Variants in COPG2 observed in about 807,000 individuals in gnomAD.
COPG2 encodes coat protein complex I subunit gamma 2.
In COPG2, 37 loss-of-function variants were observed where a neutral mutation model predicts 46.3. That is an observed-to-expected ratio of 0.80 (90% CI 0.61 to 1.05). The LOEUF (loss-of-function observed/expected upper bound fraction) is 1.05, where lower values mean the gene tolerates loss of function less well. Ranked by LOEUF, COPG2 falls within the 50% of genes least tolerant of loss-of-function variation. The pLI is 0.00. For missense variants in COPG2, 427 were observed against 387.8 expected (o/e 1.10, Z -0.85); for synonymous variants, 159 against 129.7 (o/e 1.23, Z -1.53).
At chr7:130,555,186 TA>T (rs1405417914) in intron 12 of COPG2, 54 bp from the exon 13 acceptor site, 25 of 396,506 alleles carry the variant, frequency 6.3e-5, no homozygotes, top group Non-Finnish European at 1.0e-4. Context: ...CTACCACCTA[TA>T]AAAAGCAAAC....
chr7:130,508,738 C>G (rs1050396542), intron 20 of COPG2, 79 bp from the exon 21 acceptor site: 6 of 679,184 alleles, frequency 8.8e-6, no homozygotes, highest in Non-Finnish European at 1.6e-5. Flanking sequence ...GTACTCAGCA[C>G]TGTGTTCCAC....
chr7:130,532,228 T>C (rs998570292), intron 20 of COPG2, among the ~76,000 whole-genome samples: 1 of 152,152 alleles, frequency 6.6e-6, no homozygotes, highest in Admixed American at 6.5e-5. Flanking sequence ...GCAAAGGCAA[T>C]GGGACCACGG....
At chr7:130,639,372 C>A (rs1298522466) in intron 5 of COPG2, among the ~76,000 whole-genome samples, 1 of 152,122 alleles carries the variant, frequency 6.6e-6, no homozygotes, top group African/African-American at 2.4e-5. Context: ...TTTAAGAATC[C>A]CTACAACTGG....
chr7:130,554,591 G>A lies in COPG2; in HGVS notation c.1358C>T (p.Thr453Ile), dbSNP rs1793588625. The part of the protein sequence containing the change: ...IEDCEHTVLA[T>I]KILHLLGKEG... ...TTTGCCCAACAAGTGTAGAATCTTA[G>A]TAGCCAGAACAGTGTGTTCACAGTC... is the stretch of plus-strand genomic sequence containing the variant. The change falls in exon 14 of 24, where the codon ACT becomes ATT. Residue 453 changes from threonine to isoleucine, a missense_variant. Coordinates refer to ENST00000425248, the MANE Select transcript of COPG2 (RefSeq NM_012133.6). 2.5e-6 allele frequency: 1 copy of A among 398,372 alleles called. No homozygotes were observed. Among genetic ancestry groups the A allele is most frequent in the African/African-American group, 2.1e-5 (1 of 48,582 alleles). 24.7% of individuals were successfully genotyped at this position (398,372 alleles called of 1,614,324 possible). A position where few individuals can be genotyped will look rare whatever the true frequency, so the allele number is the denominator to read the frequency against.
intron 9 of COPG2, chr7:130,604,721 TAGC>T (rs1338797113): frequency 1.4e-5 from 7 of 517,384 alleles, no homozygotes; most frequent in African/African-American, 9.6e-5. Context: ...AAAATAAAAA[TAGC>T]AGGCATTTTT....
rs782649517 is a variant in COPG2 at position 130,608,214 on chromosome 7, A to T, written c.737+2739T>A. On this transcript the variant is annotated intron_variant, in intron 9 of 23. Transcript: ENST00000425248. The stretch of plus-strand genomic sequence containing the variant: ...TCATCAAATAATATACTACTGCATG[A>T]TACAAAAACTTTACAAATGTCCATT... 1.6e-4 allele frequency: 75 copies of T among 468,138 alleles called. 1 individual carries two copies. Among genetic ancestry groups the T allele is most frequent in the South Asian group, 1.1e-3 (73 of 63,760 alleles). The allele number at this position is 468,138 out of a possible 1,614,324, so 29.0% of individuals were successfully genotyped here. A position where few individuals can be genotyped will look rare whatever the true frequency, so the allele number is the denominator to read the frequency against.
chr7:130,563,773 A>AG (rs1491156506), intron 10 of COPG2, among the ~76,000 whole-genome samples: 24 of 73,676 alleles, frequency 3.3e-4, no homozygotes, highest in African/African-American at 1.4e-3. Flanking sequence ...AAAAAAAAAA[A>AG]GAAAAAAAAA....
chr7:130,618,837 A>G (rs529942491), intron 5 of COPG2, among the ~76,000 whole-genome samples: 148 of 152,212 alleles, frequency 9.7e-4, no homozygotes, highest in African/African-American at 3.2e-3. Context: ...TGGATAAAGT[A>G]CCTCATTCTT....
chr7:130,614,477 T>C (rs1161286895), intron 6 of COPG2, among the ~76,000 whole-genome samples: 1 of 152,210 alleles, frequency 6.6e-6, no homozygotes, highest in Non-Finnish European at 1.5e-5. Context: ...CATGGGTATA[T>C]AGCTATTATT....
In COPG2 at chr7:130,564,260, C is replaced by G; in HGVS notation, c.871G>C (p.Val291Leu). Residue 291 changes from valine to leucine, a missense_variant and splice_region_variant, in exon 10 of 24, where the codon GTT becomes CTT. Val to Leu is a conservative substitution (Grantham distance 32). Coordinates refer to ENST00000425248, the MANE Select transcript of COPG2 (RefSeq NM_012133.6). ...TARELAPAVS[V>L]LQLFCSSPKP... The stretch of plus-strand genomic sequence containing the variant: ...GCCAGCCATCAAATATAAAACAAAC[C>G]TGAAACAGCAGGTGCCAACTCTCTT... 2.5e-6 allele frequency: 1 copy of G among 398,476 alleles called. No homozygotes were observed. The allele number at this position is 398,476 out of a possible 1,614,324, so 24.7% of individuals were successfully genotyped here. A position where few individuals can be genotyped will look rare whatever the true frequency, so the allele number is the denominator to read the frequency against.
intron 9 of COPG2, among the ~76,000 whole-genome samples, chr7:130,597,865 G>A (rs943476216): frequency 8.5e-5 from 13 of 152,150 alleles, no homozygotes; most frequent in African/African-American, 3.1e-4. Flanking sequence ...AACATGAGGA[G>A]GAAAGTGCAG....
At chr7:130,631,615 T>C (rs989763781) in intron 5 of COPG2, among the ~76,000 whole-genome samples, 1 of 152,244 alleles carries the variant, frequency 6.6e-6, no homozygotes, top group Admixed American at 6.5e-5. Flanking sequence ...TTAGATTTTC[T>C]TCAAGTGCTA....
intron 20 of COPG2, among the ~76,000 whole-genome samples, chr7:130,522,742 A>T (rs934713775): frequency 2.0e-5 from 3 of 151,770 alleles, no homozygotes; most frequent in African/African-American, 7.3e-5. Flanking sequence ...AAAAATGCTA[A>T]GTAAGAAGTA....
chr7:130,585,540 G>A (rs1201886784), intron 9 of COPG2, among the ~76,000 whole-genome samples: 1 of 152,016 alleles, frequency 6.6e-6, no homozygotes, highest in African/African-American at 2.4e-5. Flanking sequence ...CAACCCCGCA[G>A]AGTGGGAGAA....
At chr7:130,620,745 T>G (rs1329374563) in intron 5 of COPG2, among the ~76,000 whole-genome samples, 1 of 152,134 alleles carries the variant, frequency 6.6e-6, no homozygotes, top group Non-Finnish European at 1.5e-5. Context: ...ATTTGGGACT[T>G]TTGAGTTATA....
intron 9 of COPG2, chr7:130,603,848 CA>C (rs1554450798): frequency 3.9e-6 from 2 of 518,930 alleles, no homozygotes; most frequent in Non-Finnish European, 7.7e-6. Flanking sequence ...TGCAAATTCA[CA>C]TGTAACTTTT....
At chr7:130,560,572 T>C (rs1793702478) in intron 12 of COPG2, among the ~76,000 whole-genome samples, 2 of 152,214 alleles carry the variant, frequency 1.3e-5, no homozygotes, top group Non-Finnish European at 2.9e-5. Flanking sequence ...GGTACCATAA[T>C]GCTACATTAA....
At chr7:130,649,094 A>AGCC (rs1795679997) in intron 5 of COPG2, among the ~76,000 whole-genome samples, 1 of 152,236 alleles carries the variant, frequency 6.6e-6, no homozygotes, top group East Asian at 1.9e-4. Context: ...TCTTGCCTAG[A>AGCC]TAATCCCATC....
chr7:130,525,500 G>A (rs1337950446), intron 20 of COPG2, among the ~76,000 whole-genome samples: 3 of 152,296 alleles, frequency 2.0e-5, no homozygotes, highest in African/African-American at 7.2e-5. Context: ...CAATGGACTC[G>A]TGGTTTGAGT....
Sources: gnomAD v4.1 joint callset for allele counts (sites outside exome capture counted in the v4.1 genomes callset) on GRCh38, gnomAD v4.1.1 for gene constraint, MANE v1.5 for transcripts, NCBI Gene and HGNC (gene_info 2026-07-23, HGNC 2026-07-21) for gene names.